The following CDH17 variants were observed in gnomAD, a reference collection of about 807,000 sequenced individuals.
The protein encoded by CDH17 is cadherin 17, also known as cadherin-17.
CDH17 carries 67 observed loss-of-function variants against 86.3 expected under a neutral mutation model. The observed-to-expected ratio is 0.78, with a 90% CI of 0.64 to 0.95. The LOEUF (loss-of-function observed/expected upper bound fraction) is 0.95, where lower values mean the gene tolerates loss of function less well. Ranked by LOEUF, CDH17 falls within the 40% of genes least tolerant of loss-of-function variation. CDH17 has a pLI of 0.00. For synonymous variants in CDH17, 367 were observed against 366.4 expected, an observed-to-expected ratio of 1.00 and a Z score of -0.02; for missense variants, 993 against 1,017.6, an observed-to-expected ratio of 0.98 and a Z score of 0.33.
intron 3 of CDH17, among the ~76,000 whole-genome samples, chr8:94,184,548 A>G (rs1813540673): frequency 6.6e-6 from 1 of 152,164 alleles, no homozygotes; most frequent in Non-Finnish European, 1.5e-5. Flanking sequence ...TCAAGAGTAG[A>G]TTAGTGGTTG....
chr8:94,159,111 T>C (rs531916605), intron 12 of CDH17, among the ~76,000 whole-genome samples: 1 of 152,252 alleles, frequency 6.6e-6, no homozygotes, highest in East Asian at 1.9e-4. Context: ...TGCTTCCAAT[T>C]GAGTCATCTG....
At chr8:94,159,173 G>A (rs1813001400) in intron 12 of CDH17, among the ~76,000 whole-genome samples, 1 of 152,160 alleles carries the variant, frequency 6.6e-6, no homozygotes, top group Non-Finnish European at 1.5e-5. Flanking sequence ...AGAGAAAAGA[G>A]TCAAGATTCA....
At chr8:94,154,960 T>C (rs1165501061) in intron 12 of CDH17, among the ~76,000 whole-genome samples, 1 of 152,068 alleles carries the variant, frequency 6.6e-6, no homozygotes, top group Non-Finnish European at 1.5e-5. Flanking sequence ...CTTTCCCGCA[T>C]GCATGCACCA....
chr8:94,151,371 G>A (rs947619220), intron 13 of CDH17, among the ~76,000 whole-genome samples: 3 of 152,206 alleles, frequency 2.0e-5, no homozygotes, highest in Non-Finnish European at 2.9e-5. Context: ...CTCCAGGGGT[G>A]CCCTAGATCA....
At chr8:94,140,876 A>C (rs568687935) in intron 15 of CDH17, among the ~76,000 whole-genome samples, 61 of 152,312 alleles carry the variant, frequency 4.0e-4, no homozygotes, top group African/African-American at 1.4e-3. Context: ...TTTGTAGTTA[A>C]AACTTCTTAA....
At chr8:94,175,056 G>T (rs575268804) in intron 5 of CDH17, among the ~76,000 whole-genome samples, 2 of 152,164 alleles carry the variant, frequency 1.3e-5, no homozygotes, top group South Asian at 4.1e-4. Flanking sequence ...TAATACCAAT[G>T]GTCACTTGAA....
At chr8:94,165,460 T>C (rs111822264) in intron 10 of CDH17, among the ~76,000 whole-genome samples, 156 of 152,254 alleles carry the variant, frequency 1.0e-3, no homozygotes, top group African/African-American at 3.5e-3. Context: ...CCCAGCCTTC[T>C]TTGTGCCCTT....
chr8:94,157,249 G>T (rs568831385), intron 12 of CDH17, among the ~76,000 whole-genome samples: 9 of 152,320 alleles, frequency 5.9e-5, no homozygotes, highest in African/African-American at 2.2e-4. Flanking sequence ...TTAACACAGT[G>T]GTTCAGAACA....
upstream of CDH17, among the ~76,000 whole-genome samples, chr8:94,209,073 T>G (rs1376032617): frequency 6.6e-6 from 1 of 152,168 alleles, no homozygotes; most frequent in Non-Finnish European, 1.5e-5. Context: ...GTGCCTGCTT[T>G]TGAAATCCAA....
intron 9 of CDH17, among the ~76,000 whole-genome samples, chr8:94,168,305 T>G (rs1813205621): frequency 6.8e-6 from 1 of 146,250 alleles, no homozygotes; most frequent in Admixed American, 6.8e-5. Context: ...TTTGCAGTTT[T>G]TTTTTTTTTT....
intron 2 of CDH17, among the ~76,000 whole-genome samples, chr8:94,192,737 C>T (rs1041537927): frequency 1.3e-5 from 2 of 152,190 alleles, no homozygotes; most frequent in African/African-American, 4.8e-5. Context: ...AAACAGATGG[C>T]TCTGCCTTGG....
Position 94,152,127 on chromosome 8 carries a change from G to A in CDH17, c.1552-15C>T, listed in dbSNP as rs1451062572. 6.2e-7 allele frequency: 1 copy of A among 1,611,592 alleles called. No individual in the cohort carries two copies. The highest frequency in any genetic ancestry group is 2.2e-5 in the East Asian group (1 of 44,830). The stretch of plus-strand genomic sequence containing the variant: ...AAATCAAGAGGCTGTGTAGGAGAAA[G>A]AGAGAAAATTAATTTTGGGGTGATT... On this transcript the variant is annotated splice_polypyrimidine_tract_variant and intron_variant, in intron 12 of 17. Coordinates refer to ENST00000027335, the MANE Select transcript of CDH17 (RefSeq NM_004063.4).
intron 1 of CDH17, among the ~76,000 whole-genome samples, chr8:94,197,756 G>A (rs755291267): frequency 4.0e-5 from 6 of 150,818 alleles, no homozygotes; most frequent in East Asian, 2.0e-4. Context: ...GCTTGAACCT[G>A]GAAGGCAGAG....
In CDH17 at chr8:94,151,970, T is replaced by C; in HGVS notation, c.1694A>G (p.Gln565Arg). ...CGCTTGGAATACGTGTTGGGAAAATTGAGGTGCTTCATTCACATCTGTCAC... is the reference window on the plus strand; with the variant it reads ...CGCTTGGAATACGTGTTGGGAAAATCGAGGTGCTTCATTCACATCTGTCAC... The part of the protein sequence containing the change: ...LIVTDVNEAP[Q>R]FSQHVFQAKV... Residue 565 changes from glutamine (Q) to arginine (R), a missense_variant, in exon 13 of 18, where the codon CAA becomes CGA. Coordinates refer to ENST00000027335, the MANE Select transcript of CDH17 (RefSeq NM_004063.4). 3 of 1,614,166 alleles carry C rather than the reference T, an allele frequency of 1.9e-6. No individual in the cohort carries two copies. The highest frequency in any genetic ancestry group is 2.5e-6 in the Non-Finnish European group (3 of 1,180,020).
At chr8:94,181,890 G>C (rs543966617) in intron 3 of CDH17, among the ~76,000 whole-genome samples, 1 of 152,086 alleles carries the variant, frequency 6.6e-6, no homozygotes, top group South Asian at 2.1e-4. Context: ...CAAACTTTTG[G>C]CTGGACTGAT....
intron 4 of CDH17, among the ~76,000 whole-genome samples, chr8:94,177,085 C>G (rs1371879890): frequency 6.6e-6 from 1 of 152,216 alleles, no homozygotes; most frequent in Non-Finnish European, 1.5e-5. Context: ...GGCTCTCTGA[C>G]TTTCCTAGGT....
chr8:94,174,255 G>T lies in CDH17; in HGVS notation c.430C>A (p.Pro144Thr), dbSNP rs1470920023. ...TCTGTGGCATTGACATACAAGAAGG[G>T]CTTTCCTGTTTAACAAGACGTACCC... Reference protein sequence around the residue: ...SVRQNSRPGKPFLYVNATDLD... With the variant: ...SVRQNSRPGKTFLYVNATDLD... The change falls in exon 6 of 18, where the codon CCC becomes ACC. Residue 144 changes from proline (P) to threonine (T), a missense_variant. Pro to Thr is a conservative substitution (Grantham distance 38). Coordinates refer to ENST00000027335, the MANE Select transcript of CDH17 (RefSeq NM_004063.4). 2.5e-6 allele frequency: 4 copies of T among 1,596,526 alleles called. No homozygotes were observed. Among genetic ancestry groups the T allele is most frequent in the Non-Finnish European group, 3.4e-6 (4 of 1,173,414 alleles).
chr8:94,192,561 C>A (rs74435805), intron 2 of CDH17, among the ~76,000 whole-genome samples: 1,638 of 152,254 alleles, frequency 0.011, 26 homozygotes, highest in African/African-American at 0.038. Context: ...GCCATTGGAC[C>A]ACCAAGCCCC....
At chr8:94,142,085 T>C in intron 15 of CDH17, among the ~76,000 whole-genome samples, 2 of 142,622 alleles carry the variant, frequency 1.4e-5, no homozygotes, top group East Asian at 3.9e-4. Context: ...GTTAAGATAA[T>C]TCAATGTAAA....
Sources: gnomAD v4.1 joint callset for allele counts (sites outside exome capture counted in the v4.1 genomes callset) on GRCh38, gnomAD v4.1.1 for gene constraint, MANE v1.5 for transcripts, NCBI Gene and HGNC (gene_info 2026-07-23, HGNC 2026-07-21) for gene names.